BSN: variants seen among roughly 807,000 people sequenced by gnomAD.
BSN encodes the protein bassoon presynaptic cytomatrix protein.
BSN carries 57 observed loss-of-function variants against 264.8 expected under a neutral mutation model. That is an observed-to-expected ratio of 0.22 (90% confidence interval 0.17 to 0.27). The LOEUF (loss-of-function observed/expected upper bound fraction) is 0.27. BSN is among the 10% of genes least tolerant of loss of function. The probability of loss-of-function intolerance (pLI) is 1.00; values close to 1 mark genes in which losing one functional copy is unlikely to be tolerated. For synonymous variants in BSN, 2,059 were observed against 2,137.3 expected (o/e 0.96, Z 1.01); for missense variants, 4,615 against 5,232.5 (o/e 0.88, Z 3.64).
intron 1 of BSN, among the ~76,000 whole-genome samples, chr3:49,611,995 A>G (rs1559605065): frequency 1.3e-5 from 2 of 152,190 alleles, no homozygotes; most frequent in African/African-American, 4.8e-5. Context: ...CTGATGAGCT[A>G]TTACCCAAGT....
intron 3 of BSN, among the ~76,000 whole-genome samples, chr3:49,645,288 G>C (rs1239520296): frequency 6.6e-6 from 1 of 152,150 alleles, no homozygotes; most frequent in Non-Finnish European, 1.5e-5. Context: ...CAATGCTGCT[G>C]TCCCCAGAGG....
intron 1 of BSN, among the ~76,000 whole-genome samples, chr3:49,571,657 G>A (rs2051796492): frequency 6.6e-6 from 1 of 152,094 alleles, no homozygotes; most frequent in Non-Finnish European, 1.5e-5. Flanking sequence ...AGGGAATGAG[G>A]ACAGAGATTG....
chr3:49,569,822 C>A (rs940685920), intron 1 of BSN, among the ~76,000 whole-genome samples: 1 of 152,152 alleles, frequency 6.6e-6, no homozygotes, highest in Non-Finnish European at 1.5e-5. Context: ...TTAGCCCTCA[C>A]TCCTGTTCAG....
chr3:49,611,025 G>T (rs532493915), intron 1 of BSN, among the ~76,000 whole-genome samples: 1 of 152,308 alleles, frequency 6.6e-6, no homozygotes, highest in African/African-American at 2.4e-5. Context: ...GCCCCTAAGG[G>T]CAGGCTGAGT....
At position 49,660,650 on chromosome 3, in the gene BSN, T is replaced by C; in HGVS notation, c.8805T>C (p.Ala2935=). The change falls in exon 6 of 12, where the codon GCT becomes GCC. Residue 2935 remains alanine (A), a synonymous_variant. Transcript: ENST00000296452. The surrounding 1 kb of genome is among the most constrained non-coding windows in gnomAD (Gnocchi z 7.1). The stretch of plus-strand genomic sequence containing the variant: ...TGACGGGGCCCACCACTGTCCCTGC[T>C]ACCAAGGCCAGCCTGCTCCGGGAGC... ...RGLTGPTTVP[A]TKASLLRELD... The C allele has an allele frequency of 6.2e-7, 1 of 1,613,128 alleles. No individual in the cohort carries two copies. The highest frequency in any genetic ancestry group is 8.5e-7 in the Non-Finnish European group (1 of 1,179,972).
chr3:49,572,528 G>T (rs1331614408), intron 1 of BSN, among the ~76,000 whole-genome samples: 1 of 152,126 alleles, frequency 6.6e-6, no homozygotes, highest in Non-Finnish European at 1.5e-5. Context: ...ACCATCCCCT[G>T]TATCTACTTT....
chr3:49,562,171 A>G (rs1354282659), intron 1 of BSN, among the ~76,000 whole-genome samples: 1 of 151,470 alleles, frequency 6.6e-6, no homozygotes, highest in African/African-American at 2.4e-5. Context: ...CTTCCCTTCT[A>G]CCTCCTACTG....
At position 49,642,512 on chromosome 3, in the gene BSN, C is replaced by T. The variant is rs757329210; in HGVS notation, c.878C>T (p.Ala293Val). 1 of 1,571,852 alleles carries T rather than the reference C, an allele frequency of 6.4e-7. No homozygotes were observed. Among genetic ancestry groups the T allele is most frequent in the Non-Finnish European group, 8.6e-7 (1 of 1,158,680 alleles). Reference protein sequence around the residue: ...RATSVPGPAQAAAPPEVGRVS... With the variant: ...RATSVPGPAQVAAPPEVGRVS... ...ACCTCAGTGCCGGGGCCTGCCCAAG[C>T]AGCTGCCCCTCCAGAGGTGGGGAGG... is the stretch of plus-strand genomic sequence containing the variant. Residue 293 changes from alanine to valine, a missense_variant, in exon 3 of 12, where the codon GCA becomes GTA. Physicochemically the swap from Ala to Val is moderately conservative, Grantham distance 64 (BLOSUM62 0). This residue lies in a region of BSN where 1,197 missense variants were observed against 1,348.0 expected (regional missense o/e 0.89). Coordinates refer to ENST00000296452, the MANE Select transcript of BSN (RefSeq NM_003458.4). This position sits in a 1 kb window ranked among gnomAD's most constrained non-coding sequence, Gnocchi z 7.0.
intron 1 of BSN, among the ~76,000 whole-genome samples, chr3:49,621,778 C>G (rs969931486): frequency 6.6e-6 from 1 of 152,072 alleles, no homozygotes; most frequent in Non-Finnish European, 1.5e-5. Flanking sequence ...AGCACAGCAG[C>G]GTCGTCCTAG....
At chr3:49,591,597 T>A (rs936343359) in intron 1 of BSN, among the ~76,000 whole-genome samples, 7 of 152,098 alleles carry the variant, frequency 4.6e-5, no homozygotes, top group African/African-American at 1.7e-4. Context: ...GATTTTTGTT[T>A]TTGTTTTTGT....
rs1207374922 is a variant in BSN at position 49,651,210 on chromosome 3, A to G, written c.1986+131A>G. Reference sequence around the variant, plus strand: ...TGGGGCCACACAGGAGGGAAGGGACACAGTAGAAGGAAAGTCTAGATGAGG... The same window carrying G: ...TGGGGCCACACAGGAGGGAAGGGACGCAGTAGAAGGAAAGTCTAGATGAGG... On this transcript the variant is annotated intron_variant, in intron 4 of 11. Coordinates refer to ENST00000296452, the MANE Select transcript of BSN (RefSeq NM_003458.4). The surrounding 1 kb of genome is among the most constrained non-coding windows in gnomAD (Gnocchi z 5.4). The G allele has an allele frequency of 4.4e-6, 4 of 908,246 alleles. No individual in the cohort carries two copies. In the African/African-American group the frequency reaches 6.7e-5, roughly 15 times the overall value. The allele number at this position is 908,246 out of a possible 1,614,324, so 56.3% of individuals were successfully genotyped here.
At chr3:49,584,700 G>A (rs1228752295) in intron 1 of BSN, among the ~76,000 whole-genome samples, 1 of 152,072 alleles carries the variant, frequency 6.6e-6, no homozygotes, top group Non-Finnish European at 1.5e-5. Context: ...TCACCTTGTT[G>A]TGCTATCAAA....
At chr3:49,607,457 T>C (rs1333776518) in intron 1 of BSN, among the ~76,000 whole-genome samples, 1 of 152,178 alleles carries the variant, frequency 6.6e-6, no homozygotes, top group African/African-American at 2.4e-5. Context: ...TGCTTGGCAG[T>C]ATATTACTCA....
chr3:49,595,620 GTGCTGAAA>G (rs1325392949), intron 1 of BSN, among the ~76,000 whole-genome samples: 1 of 152,132 alleles, frequency 6.6e-6, no homozygotes, highest in Non-Finnish European at 1.5e-5. Flanking sequence ...GCCTCCCAAA[GTGCTGAAA>G]TTACAGGCAT....
At chr3:49,637,461 C>T (rs916878680) in intron 2 of BSN, among the ~76,000 whole-genome samples, 2 of 152,174 alleles carry the variant, frequency 1.3e-5, no homozygotes, top group Admixed American at 6.5e-5. Context: ...CTTCCCAGAA[C>T]TGCCCTCCTT....
chr3:49,624,300 CTTTTTTT>C (rs71080542), intron 1 of BSN, among the ~76,000 whole-genome samples: 1 of 67,184 alleles, frequency 1.5e-5, no homozygotes, highest in East Asian at 5.1e-4. Context: ...CGTGCCCAGC[CTTTTTTT>C]TTTTTTTTTT....
At chr3:49,579,547 C>T (rs1308936177) in intron 1 of BSN, among the ~76,000 whole-genome samples, 3 of 151,742 alleles carry the variant, frequency 2.0e-5, no homozygotes, top group East Asian at 1.9e-4. Context: ...AGATTACAGG[C>T]GCCCGTCACC....
Position 49,650,820 on chromosome 3 carries a change from C to G in BSN, c.1727C>G (p.Ser576Cys). ...GPLPAKASPL[S>C]TKASPLPSKA... ...CTGCCTGCCAAGGCCAGCCCTCTAT[C>G]CACCAAGGCCAGCCCTCTGCCCAGC... The change falls in exon 4 of 12, where the codon TCC becomes TGC. Residue 576 changes from serine to cysteine, a missense_variant. Ser to Cys is a moderately radical substitution (Grantham distance 112). Around this residue, in one of 3 missense-constraint regions of BSN, gnomAD observed 1,197 missense variants for 1,348.0 expected, o/e 0.89. Transcript: ENST00000296452. 1 of 1,614,118 alleles carries G rather than the reference C, an allele frequency of 6.2e-7. No homozygotes were observed. The highest frequency in any genetic ancestry group is 8.5e-7 in the Non-Finnish European group (1 of 1,180,004).
chr3:49,592,092 T>G (rs2051982658), intron 1 of BSN, among the ~76,000 whole-genome samples: 1 of 152,078 alleles, frequency 6.6e-6, no homozygotes, highest in Non-Finnish European at 1.5e-5. Flanking sequence ...GTGATTATTA[T>G]TTCTCAATTA....
Sources: gnomAD v4.1 joint callset for allele counts (sites outside exome capture counted in the v4.1 genomes callset) on GRCh38, gnomAD v4.1.1 for gene constraint, gnomAD v4.1.1 regional missense constraint, Gnocchi (gnomAD v3.1) non-coding constraint, MANE v1.5 for transcripts, NCBI Gene and HGNC (gene_info 2026-07-23, HGNC 2026-07-21) for gene names.